Variants in ANKS1B observed in about 807,000 individuals in gnomAD.
ANKS1B encodes the protein ankyrin repeat and sterile alpha motif domain containing 1B, also known as ankyrin repeat and sterile alpha motif domain-containing protein 1B.
A neutral mutation model predicts 148.3 loss-of-function variants in ANKS1B; 36 were observed. That is an observed-to-expected ratio of 0.24 (90% confidence interval 0.19 to 0.32). The LOEUF is 0.32. Among genes scored for constraint, ANKS1B ranks in the 10% least tolerant of loss-of-function variants. The pLI, the probability that ANKS1B is intolerant of heterozygous loss-of-function variation, is 1.00. For missense variants in ANKS1B, 1,157 were observed against 1,542.6 expected (o/e 0.75, Z 4.19); for synonymous variants, 542 against 560.8 (o/e 0.97, Z 0.47).
At chr12:98,770,878 T>G (rs1162189409) in intron 25 of ANKS1B, among the ~76,000 whole-genome samples, 1 of 152,184 alleles carries the variant, frequency 6.6e-6, no homozygotes, top group African/African-American at 2.4e-5. Flanking sequence ...TATGAATACG[T>G]GATTCCTGAT....
At chr12:99,561,827 A>G (rs1040596342) in intron 9 of ANKS1B, among the ~76,000 whole-genome samples, 3 of 152,152 alleles carry the variant, frequency 2.0e-5, no homozygotes, top group Admixed American at 6.5e-5. Context: ...GTTAATGTTG[A>G]TATGTTGACC....
intron 19 of ANKS1B, among the ~76,000 whole-genome samples, chr12:98,812,254 C>T (rs2099102393): frequency 6.6e-6 from 1 of 152,090 alleles, no homozygotes; most frequent in Non-Finnish European, 1.5e-5. Context: ...AAGCTAGAGC[C>T]AGACTTAGGT....
chr12:98,740,943 C>T (rs529422985), downstream of ANKS1B, among the ~76,000 whole-genome samples: 1 of 152,256 alleles, frequency 6.6e-6, no homozygotes, highest in East Asian at 1.9e-4. Context: ...CATTTTGTGA[C>T]AATGAGGCAA....
At chr12:99,641,933 T>C (rs1342848197) in intron 9 of ANKS1B, among the ~76,000 whole-genome samples, 1 of 152,148 alleles carries the variant, frequency 6.6e-6, no homozygotes, top group Non-Finnish European at 1.5e-5. Flanking sequence ...TATAAAAGTA[T>C]AAATAGTCCA....
chr12:98,963,701 T>C (rs1278835989), intron 17 of ANKS1B, among the ~76,000 whole-genome samples: 1 of 151,994 alleles, frequency 6.6e-6, no homozygotes, highest in East Asian at 1.9e-4. Flanking sequence ...AAACAATCAA[T>C]AAAGTGAAGA....
intron 19 of ANKS1B, among the ~76,000 whole-genome samples, chr12:98,825,657 C>CT (rs905407593): frequency 1.1e-4 from 17 of 150,210 alleles, no homozygotes; most frequent in East Asian, 7.8e-4. Context: ...CATTTGGAAA[C>CT]TTTTTTTTTT....
chr12:99,899,213 CA>C (rs1456532717), intron 1 of ANKS1B, among the ~76,000 whole-genome samples: 42 of 152,066 alleles, frequency 2.8e-4, no homozygotes, highest in Non-Finnish European at 4.9e-4. Context: ...TTTAAAAGAT[CA>C]AAAAACTTGC....
intron 10 of ANKS1B, among the ~76,000 whole-genome samples, chr12:99,464,819 G>A (rs1185491143): frequency 2.6e-5 from 4 of 152,194 alleles, no homozygotes; most frequent in African/African-American, 9.6e-5. Context: ...CGTCTGATTG[G>A]TGTACCTGAA....
chr12:99,488,467 C>G (rs1241910792), intron 10 of ANKS1B, among the ~76,000 whole-genome samples: 1 of 152,074 alleles, frequency 6.6e-6, no homozygotes, highest in Non-Finnish European at 1.5e-5. Flanking sequence ...AGTGGTTTCT[C>G]TTAAAATTTT....
chr12:98,888,508 G>T (rs1418474723), intron 17 of ANKS1B, among the ~76,000 whole-genome samples: 4 of 152,160 alleles, frequency 2.6e-5, no homozygotes, highest in African/African-American at 7.2e-5. Flanking sequence ...TTCCCCAGCT[G>T]CTTCATATTG....
intron 8 of ANKS1B, among the ~76,000 whole-genome samples, chr12:99,752,666 A>T (rs2061220389): frequency 6.6e-6 from 1 of 151,968 alleles, no homozygotes; most frequent in Non-Finnish European, 1.5e-5. Context: ...GGTAAGTAAT[A>T]ATATTTTATT....
At chr12:99,122,479 G>A (rs1282313356) in intron 15 of ANKS1B, among the ~76,000 whole-genome samples, 1 of 152,132 alleles carries the variant, frequency 6.6e-6, no homozygotes. Flanking sequence ...TCAGCTTTTG[G>A]TTGGATGATG....
chr12:99,715,323 A>T (rs1292494088), intron 8 of ANKS1B, among the ~76,000 whole-genome samples: 1 of 152,000 alleles, frequency 6.6e-6, no homozygotes, highest in African/African-American at 2.4e-5. Context: ...AACTGATGAC[A>T]TTGTCTTGTG....
intron 1 of ANKS1B, among the ~76,000 whole-genome samples, chr12:99,947,854 T>C (rs751331240): frequency 1.3e-5 from 2 of 152,220 alleles, no homozygotes; most frequent in African/African-American, 2.4e-5. Flanking sequence ...TGGCTGGAGG[T>C]TGCTCACAAC....
chr12:98,906,051 CTCTT>C (rs932526945), intron 17 of ANKS1B, among the ~76,000 whole-genome samples: 5 of 152,194 alleles, frequency 3.3e-5, no homozygotes, highest in Admixed American at 1.3e-4. Context: ...GCCACATTAA[CTCTT>C]TCAGGCCATT....
intron 12 of ANKS1B, among the ~76,000 whole-genome samples, chr12:99,387,689 C>T (rs1388108150): frequency 1.3e-5 from 2 of 152,000 alleles, no homozygotes; most frequent in Non-Finnish European, 2.9e-5. Flanking sequence ...CGTCTATGAA[C>T]CAGAAAGTGG....
At chr12:99,155,155 G>C (rs1222355329) in intron 14 of ANKS1B, 1 of 1,446,814 alleles carries the variant, frequency 6.9e-7, no homozygotes, top group Non-Finnish European at 9.0e-7. Flanking sequence ...TTGAACTATA[G>C]CTTATAACAG....
At chr12:99,758,751 T>C (rs1361899052) in intron 8 of ANKS1B, among the ~76,000 whole-genome samples, 2 of 151,882 alleles carry the variant, frequency 1.3e-5, no homozygotes, top group East Asian at 1.9e-4. Context: ...TACAAAAATA[T>C]GTTATTGAAG....
chr12:99,072,849 G>A (rs2046688556), intron 16 of ANKS1B, among the ~76,000 whole-genome samples: 1 of 152,222 alleles, frequency 6.6e-6, no homozygotes, highest in South Asian at 2.1e-4. Context: ...AGCTGCACGA[G>A]GACAGTGACC....
Sources: allele counts gnomAD v4.1 joint callset (sites outside exome capture counted in the v4.1 genomes callset), GRCh38; gene constraint gnomAD v4.1.1; transcripts MANE v1.5; gene names NCBI Gene and HGNC (gene_info 2026-07-23, HGNC 2026-07-21).